The following QKI variants were observed in gnomAD, a reference collection of about 807,000 sequenced individuals.
QKI encodes the protein KH domain-containing RNA-binding protein QKI.
QKI carries 10 observed loss-of-function variants against 39.0 expected under a neutral mutation model. That is an observed-to-expected ratio of 0.26 (90% CI 0.16 to 0.43). The LOEUF is 0.43. QKI is among the 20% of genes least tolerant of loss of function. The probability of loss-of-function intolerance (pLI) is 1.00; values close to 1 mark genes in which losing one functional copy is unlikely to be tolerated. For missense variants in QKI, 218 were observed against 428.0 expected, an observed-to-expected ratio of 0.51 and a Z score of 4.33; for synonymous variants, 204 against 155.4, an observed-to-expected ratio of 1.31 and a Z score of -2.33.
intron 1 of QKI, among the ~76,000 whole-genome samples, chr6:163,445,475 T>TA (rs1790078070): frequency 6.6e-6 from 1 of 152,220 alleles, no homozygotes; most frequent in Non-Finnish European, 1.5e-5. Flanking sequence ...TGAAGAATGC[T>TA]AGTTATTTTA....
chr6:163,495,024 C>G (rs1424758787), intron 3 of QKI, among the ~76,000 whole-genome samples: 4 of 151,854 alleles, frequency 2.6e-5, no homozygotes, highest in African/African-American at 9.7e-5. Context: ...CAGGCGATTC[C>G]CTTGCCTCAG....
intron 1 of QKI, among the ~76,000 whole-genome samples, chr6:163,421,435 C>T (rs1481492156): frequency 6.6e-6 from 1 of 152,138 alleles, no homozygotes; most frequent in Non-Finnish European, 1.5e-5. Flanking sequence ...GGTAAACTCC[C>T]CACCCCGTTA....
At chr6:163,569,239 G>T (rs1783558972) in intron 7 of QKI, 2 of 969,098 alleles carry the variant, frequency 2.1e-6, no homozygotes, top group South Asian at 4.5e-5. Context: ...TCACATTGAA[G>T]ATACAGTATT....
At chr6:163,541,559 C>CCATT in intron 4 of QKI, among the ~76,000 whole-genome samples, 1 of 149,580 alleles carries the variant, frequency 6.7e-6, no homozygotes, top group East Asian at 2.0e-4. Flanking sequence ...GTAAAAATCT[C>CCATT]CATTCATTCA....
chr6:163,466,307 A>T (rs1307683013), intron 2 of QKI, among the ~76,000 whole-genome samples: 1 of 152,202 alleles, frequency 6.6e-6, no homozygotes, highest in East Asian at 1.9e-4. Context: ...GATTATTGTT[A>T]AAATTTCCAT....
chr6:163,493,715 G>A (rs912665132), intron 3 of QKI, among the ~76,000 whole-genome samples: 18 of 152,128 alleles, frequency 1.2e-4, no homozygotes, highest in African/African-American at 4.1e-4. Flanking sequence ...AAAGATAAAT[G>A]TGTAGAATTG....
rs192263974 is a variant in QKI, at chr6:163,552,868, A to G, written c.547-9114A>G. On this transcript the variant is annotated intron_variant, in intron 4 of 7. Coordinates refer to ENST00000361752, the MANE Select transcript of QKI (RefSeq NM_006775.3). ...CATTCTGAATATGAATGAGTTTAAT[A>G]TATTTTCACTTTCAGAACTTTTTGT... 2.6e-4 allele frequency among the ~76,000 whole-genome samples: 39 copies of G among 151,970 alleles called. 1 individual carries two copies. Among genetic ancestry groups the G allele is most frequent in the African/African-American group, 9.2e-4 (38 of 41,468 alleles).
intron 4 of QKI, 33 bp downstream of exon 4, chr6:163,535,158 C>A: frequency 6.6e-7 from 1 of 1,523,994 alleles, no homozygotes; most frequent in Non-Finnish European, 8.8e-7. Flanking sequence ...TAGATTTGGG[C>A]CTCGTCCTTT....
At chr6:163,533,729 C>CA (rs1209036028) in intron 3 of QKI, among the ~76,000 whole-genome samples, 1 of 152,090 alleles carries the variant, frequency 6.6e-6, no homozygotes, top group Admixed American at 6.6e-5. Context: ...TGTGCTGACT[C>CA]AGAGTTCACT....
At chr6:163,485,160 C>T (rs892939918) in intron 3 of QKI, among the ~76,000 whole-genome samples, 1 of 152,186 alleles carries the variant, frequency 6.6e-6, no homozygotes, top group African/African-American at 2.4e-5. Flanking sequence ...AATCTATATA[C>T]TTGAGCAGAT....
intron 3 of QKI, among the ~76,000 whole-genome samples, chr6:163,490,405 G>A (rs139692728): frequency 2.8e-4 from 42 of 152,298 alleles, no homozygotes; most frequent in African/African-American, 8.2e-4. Context: ...CTGATGCAGC[G>A]GAGATGATAT....
At chr6:163,556,151 A>G (rs1432962906) in intron 4 of QKI, among the ~76,000 whole-genome samples, 2 of 152,204 alleles carry the variant, frequency 1.3e-5, no homozygotes, top group Non-Finnish European at 2.9e-5. Context: ...TAAGTCTAGA[A>G]AAGTTGAACA....
chr6:163,495,395 A>C (rs1181087772), intron 3 of QKI, among the ~76,000 whole-genome samples: 1 of 152,086 alleles, frequency 6.6e-6, no homozygotes, highest in South Asian at 2.1e-4. Flanking sequence ...GTGTGTGAGC[A>C]TGCGCGTGTG....
chr6:163,557,332 A>G (rs138701708), intron 4 of QKI, among the ~76,000 whole-genome samples: 3 of 152,328 alleles, frequency 2.0e-5, no homozygotes, highest in East Asian at 1.9e-4. Flanking sequence ...TGTGTCTTCA[A>G]TGGAGTACTA....
At chr6:163,425,555 A>G (rs1788341747) in intron 1 of QKI, among the ~76,000 whole-genome samples, 1 of 152,226 alleles carries the variant, frequency 6.6e-6, no homozygotes, top group Admixed American at 6.5e-5. Context: ...AAACTATTAT[A>G]TACGTGGCTA....
At chr6:163,517,054 ACT>A (rs1491136980) in intron 3 of QKI, among the ~76,000 whole-genome samples, 55 of 82,328 alleles carry the variant, frequency 6.7e-4, no homozygotes, top group East Asian at 5.4e-3. Context: ...ACACACACAC[ACT>A]CACTCTCTCT....
chr6:163,533,107 C>A (rs1251146888), intron 3 of QKI, among the ~76,000 whole-genome samples: 3 of 151,550 alleles, frequency 2.0e-5, no homozygotes, highest in Non-Finnish European at 4.4e-5. Flanking sequence ...CCAAATAATA[C>A]CAGACTAGTA....
At chr6:163,564,430 C>T in intron 6 of QKI, 1 of 1,391,856 alleles carries the variant, frequency 7.2e-7, no homozygotes, top group Non-Finnish European at 9.3e-7. Flanking sequence ...GCAGGCATGA[C>T]TGTAGTTGTA....
At chr6:163,479,625 C>G (rs564970965) in intron 3 of QKI, among the ~76,000 whole-genome samples, 1 of 152,242 alleles carries the variant, frequency 6.6e-6, no homozygotes, top group Non-Finnish European at 1.5e-5. Flanking sequence ...CCACCTCAGC[C>G]TCCCAAAGGT....
Sources: allele counts gnomAD v4.1 joint callset (sites outside exome capture counted in the v4.1 genomes callset), GRCh38; gene constraint gnomAD v4.1.1; transcripts MANE v1.5; gene names NCBI Gene and HGNC (gene_info 2026-07-23, HGNC 2026-07-21).